MED12L: variants seen among roughly 807,000 people sequenced by gnomAD.
MED12L encodes mediator of RNA polymerase II transcription subunit 12-like protein.
Under a neutral mutation model 281.3 loss-of-function variants are expected in MED12L, and 60 were observed. That is an observed-to-expected ratio of 0.21 (90% CI 0.17 to 0.26). The LOEUF is 0.26. Among genes scored for constraint, MED12L ranks in the 10% least tolerant of loss-of-function variants. The pLI is 1.00. For synonymous variants in MED12L, 974 were observed against 987.2 expected (o/e 0.99, Z 0.25); for missense variants, 2,146 against 2,680.9 (o/e 0.80, Z 4.41).
At chr3:151,261,267 G>A (rs1738830676) in intron 16 of MED12L, 1 of 152,104 alleles carries the variant, frequency 6.6e-6, no homozygotes, top group Non-Finnish European at 1.5e-5. Context: ...AAAAGGCAGA[G>A]GTGGAGATAC....
At chr3:151,364,903 A>G in intron 21 of MED12L, 76 bp from the exon 22 acceptor site, 2 of 1,030,212 alleles carry the variant, frequency 1.9e-6, no homozygotes, top group Non-Finnish European at 3.0e-6. Flanking sequence ...GCCATTTAAT[A>G]TGTCCTTAAG....
intron 2 of MED12L, among the ~76,000 whole-genome samples, chr3:151,099,734 C>T (rs948642379): frequency 2.7e-5 from 4 of 150,578 alleles, no homozygotes; most frequent in African/African-American, 9.7e-5. Flanking sequence ...ACTAACATGC[C>T]ATAGGGAACA....
Position 151,190,867 on chromosome 3 carries a change from C to T in MED12L, c.1904C>T (p.Pro635Leu), listed in dbSNP as rs549943298. ...GDLSVTASTR[P>L]RSPVGENADE... ...TTGTCAGTCACTGCCTCAACTCGGC[C>T]GCGGTCACCAGTAGGGGAAAATGCA... The change falls in exon 14 of 45, where the codon CCG becomes CTG. Residue 635 changes from proline (P) to leucine (L), a missense_variant. Physicochemically the swap from Pro to Leu is moderately conservative, Grantham distance 98. Around this residue, in one of 9 missense-constraint regions of MED12L, gnomAD observed 722 missense variants for 861.2 expected, o/e 0.84. Transcript: ENST00000687756. 1.6e-5 allele frequency: 26 copies of T among 1,614,112 alleles called. No homozygotes were observed. Among genetic ancestry groups the T allele is most frequent in the Non-Finnish European group, 2.0e-5 (24 of 1,180,026 alleles).
At chr3:151,087,378 G>A (rs1163456273) in intron 2 of MED12L, among the ~76,000 whole-genome samples, 1 of 152,206 alleles carries the variant, frequency 6.6e-6, no homozygotes, top group African/African-American at 2.4e-5. Flanking sequence ...TCGGTAAATC[G>A]TCGTAAACTT....
intron 16 of MED12L, among the ~76,000 whole-genome samples, chr3:151,325,277 C>A (rs896893131): frequency 6.6e-6 from 1 of 152,206 alleles, no homozygotes; most frequent in Non-Finnish European, 1.5e-5. Flanking sequence ...AGTGTGGGAA[C>A]TTCACTCCCT....
chr3:151,128,057 G>A, intron 5 of MED12L, 73 bp downstream of exon 5: 2 of 1,351,244 alleles, frequency 1.5e-6, no homozygotes, highest in Non-Finnish European at 2.1e-6. Flanking sequence ...GTACCCTCTG[G>A]ATACAGCCCA....
At chr3:151,338,528 GA>G (rs774905071) in intron 16 of MED12L, 1 of 1,613,738 alleles carries the variant, frequency 6.2e-7, no homozygotes, top group Non-Finnish European at 8.5e-7. Context: ...TATACATTGT[GA>G]AATAAAATAT....
At chr3:151,199,484 A>G in intron 16 of MED12L, 1 of 1,058,240 alleles carries the variant, frequency 9.4e-7, no homozygotes, top group Non-Finnish European at 1.4e-6. Context: ...TAAAATTAGC[A>G]ACTATTTTCT....
At chr3:151,425,433 TCTTGTCAGC>T (rs1262267275) in intron 43 of MED12L, 2 of 270,654 alleles carry the variant, frequency 7.4e-6, no homozygotes, top group Non-Finnish European at 1.5e-5. Flanking sequence ...AGAGGCTCAA[TCTTGTCAGC>T]CAGGCTGGGG....
At chr3:151,203,688 T>A (rs1725977199) in intron 16 of MED12L, among the ~76,000 whole-genome samples, 1 of 152,138 alleles carries the variant, frequency 6.6e-6, no homozygotes, top group Non-Finnish European at 1.5e-5. Flanking sequence ...TATCTTATTT[T>A]ATGTTCATTA....
intron 16 of MED12L, among the ~76,000 whole-genome samples, chr3:151,220,012 T>C (rs1456933563): frequency 2.6e-5 from 4 of 150,956 alleles, no homozygotes; most frequent in Admixed American, 2.0e-4. Context: ...AATTGTTTTG[T>C]TTTTTAAAAA....
At chr3:151,223,107 A>C (rs1428615636) in intron 16 of MED12L, among the ~76,000 whole-genome samples, 2 of 151,526 alleles carry the variant, frequency 1.3e-5, no homozygotes, top group African/African-American at 4.9e-5. Context: ...CTAGGGCAGT[A>C]TGGAACATGT....
intron 16 of MED12L, among the ~76,000 whole-genome samples, chr3:151,219,808 T>G (rs1442738166): frequency 6.6e-6 from 1 of 151,970 alleles, no homozygotes; most frequent in South Asian, 2.1e-4. Context: ...CATTATTGAT[T>G]ATTGATTTGG....
chr3:151,362,459 A>T (rs1383619148), intron 21 of MED12L, among the ~76,000 whole-genome samples: 2 of 151,978 alleles, frequency 1.3e-5, no homozygotes, highest in African/African-American at 2.4e-5. Flanking sequence ...GTTGCTTGTG[A>T]TACTTGTCCT....
intron 2 of MED12L, among the ~76,000 whole-genome samples, chr3:151,093,807 G>A (rs746401010): frequency 6.6e-5 from 10 of 152,180 alleles, no homozygotes; most frequent in Admixed American, 2.6e-4. Context: ...CAGGGTTGAG[G>A]GATTTTCTTT....
At chr3:151,355,867 T>G (rs1753856408) in intron 18 of MED12L, 29 bp from the exon 19 acceptor site, 2 of 1,572,092 alleles carry the variant, frequency 1.3e-6, no homozygotes, top group Non-Finnish European at 1.7e-6. Flanking sequence ...AATATTGGTC[T>G]TACAATATTT....
chr3:151,392,467 GAAAAAAAAAAAA>G lies in MED12L; in HGVS notation c.5609-2178_5609-2167del, dbSNP rs200781609. 4.2e-5 allele frequency among the ~76,000 whole-genome samples: 4 copies of G among 95,852 alleles called. No homozygotes were observed. The East Asian group carries it at 1.2e-3, about 29-fold the overall frequency. 62.9% of individuals were successfully genotyped at this position (95,852 alleles called of 152,430 possible). A position where few individuals can be genotyped will look rare whatever the true frequency, so the allele number is the denominator to read the frequency against. On this transcript the variant is annotated intron_variant, in intron 38 of 44. Coordinates refer to ENST00000687756, the MANE Select transcript of MED12L (RefSeq NM_001393769.1). ...GTGACAGAGCGAGACTCCATCTCAAGAAAAAAAAAAAAAAAAAAAAAAGTAAAAATAAATAAA... is the reference window on the plus strand; with the variant it reads ...GTGACAGAGCGAGACTCCATCTCAAGAAAAAAAAAAGTAAAAATAAATAAA...
At chr3:151,396,809 C>G (rs76553065) in intron 39 of MED12L, among the ~76,000 whole-genome samples, 45,612 of 151,874 alleles carry the variant, frequency 0.3, 7,601 homozygotes, top group Non-Finnish European at 0.38. Flanking sequence ...GAAAAGCCCA[C>G]TGGGCCATTA....
At chr3:151,366,044 A>T in intron 23 of MED12L, 53 bp downstream of exon 23, 1 of 1,381,570 alleles carries the variant, frequency 7.2e-7, no homozygotes, top group Non-Finnish European at 9.6e-7. Flanking sequence ...ATATTTAGTT[A>T]GTGGGTAATC....
Sources: gnomAD v4.1 joint callset for allele counts (sites outside exome capture counted in the v4.1 genomes callset) on GRCh38, gnomAD v4.1.1 for gene constraint, gnomAD v4.1.1 regional missense constraint, MANE v1.5 for transcripts, NCBI Gene and HGNC (gene_info 2026-07-23, HGNC 2026-07-21) for gene names.